UBE2D4: variants seen among roughly 807,000 people sequenced by gnomAD.
UBE2D4 encodes the protein ubiquitin conjugating enzyme E2 D4, also known as ubiquitin-conjugating enzyme E2 D4.
In UBE2D4, 17 loss-of-function variants were observed where a neutral mutation model predicts 23.0. The observed-to-expected ratio is 0.74, with a 90% CI of 0.51 to 1.11. UBE2D4 has a LOEUF of 1.11. Among genes scored for constraint, UBE2D4 ranks in the 50% least tolerant of loss-of-function variants. UBE2D4 has a pLI of 0.00. For missense variants in UBE2D4, 139 were observed against 181.8 expected (o/e 0.76, Z 1.35); for synonymous variants, 61 against 69.4 (o/e 0.88, Z 0.60).
At chr7:43,937,368 C>T (rs1286911505) in intron 1 of UBE2D4, among the ~76,000 whole-genome samples, 1 of 152,216 alleles carries the variant, frequency 6.6e-6, no homozygotes. Context: ...ACAGAGATTT[C>T]TGTAGCTCTT....
intron 1 of UBE2D4, among the ~76,000 whole-genome samples, chr7:43,932,754 C>A (rs976095824): frequency 2.0e-5 from 3 of 151,166 alleles, no homozygotes; most frequent in African/African-American, 7.3e-5. Context: ...GATGGCGCCA[C>A]GGCACTCCAA....
chr7:43,931,446 AAAAC>A lies in UBE2D4; in HGVS notation c.24+4906_24+4909del, dbSNP rs755430219. Among the ~76,000 whole-genome samples the A allele has an allele frequency of 7.9e-5, 12 of 152,314 alleles. No individual in the cohort carries two copies. The East Asian group carries it at 1.2e-3, about 15-fold the overall frequency. On this transcript the variant is annotated intron_variant, in intron 1 of 6. Transcript: ENST00000222402. Reference sequence around the variant, plus strand: ...GTGACAGAGTAAGACCGTATCTTAAAAAACAAACAAACAAACAAAACAGAAAACC... The same window carrying A: ...GTGACAGAGTAAGACCGTATCTTAAAAAACAAACAAACAAAACAGAAAACC...
chr7:43,942,403 AAAT>A, intron 2 of UBE2D4: 2 of 311,562 alleles, frequency 6.4e-6, no homozygotes. Context: ...ATGGGCATTC[AAAT>A]AAGTCAGTCA....
rs112752851 is a variant in UBE2D4 at position 43,930,826 on chromosome 7, A to G, written c.24+4270A>G. Among the ~76,000 whole-genome samples, 941 of 152,064 alleles carry G rather than the reference A, an allele frequency of 6.2e-3. 13 individuals carry two copies. The highest frequency in any genetic ancestry group is 0.021 in the African/African-American group (859 of 41,478). ...TTCTCTTTGATACGTGTATTAGTCCATTCTTGCATTGCTGTTAGGAAATAC... is the reference window on the plus strand; with the variant it reads ...TTCTCTTTGATACGTGTATTAGTCCGTTCTTGCATTGCTGTTAGGAAATAC... On this transcript the variant is annotated intron_variant, in intron 1 of 6. Coordinates refer to ENST00000222402, the MANE Select transcript of UBE2D4 (RefSeq NM_015983.4).
At chr7:43,948,508 C>G in intron 4 of UBE2D4, 124 bp from the exon 5 acceptor site, 1 of 656,386 alleles carries the variant, frequency 1.5e-6, no homozygotes, top group African/African-American at 1.8e-5. Context: ...GCTTAGCCTG[C>G]ACTGTGGGGC....
At chr7:43,927,335 G>A (rs1177839652) in intron 1 of UBE2D4, among the ~76,000 whole-genome samples, 6 of 134,020 alleles carry the variant, frequency 4.5e-5, no homozygotes, top group South Asian at 4.6e-4. Flanking sequence ...TTGCTCTGTC[G>A]CCCAGGCTGG....
Position 43,952,685 on chromosome 7 carries a change from A to AT in UBE2D4, c.435dup (p.Ala146CysfsTer31). 6.2e-7 allele frequency: 1 copy of AT among 1,613,820 alleles called. No homozygotes were observed. The highest frequency in any genetic ancestry group is 1.7e-5 in the Admixed American group (1 of 60,024). ...CTAGCAAGAGAGTGGACACAAAAAT[A>AT]TGCTATGTAAGTGCCTTGGAGGTTT... On this transcript the variant is annotated frameshift_variant, in exon 7 of 7. Coordinates refer to ENST00000222402, the MANE Select transcript of UBE2D4 (RefSeq NM_015983.4). LOFTEE classifies it high-confidence loss of function.
At chr7:43,930,794 GT>G (rs879502827) in intron 1 of UBE2D4, among the ~76,000 whole-genome samples, 1 of 151,768 alleles carries the variant, frequency 6.6e-6, no homozygotes, top group East Asian at 1.9e-4. Context: ...TTTTTTAATG[GT>G]TTTTTTTCTC....
At chr7:43,934,575 T>G (rs10951746) in intron 1 of UBE2D4, among the ~76,000 whole-genome samples, 18,896 of 151,636 alleles carry the variant, frequency 0.12, 1,270 homozygotes, top group Admixed American at 0.19. Context: ...AAACAGAATC[T>G]CACTCTGTCA....
At chr7:43,937,955 A>G (rs943511174) in intron 1 of UBE2D4, among the ~76,000 whole-genome samples, 13 of 152,118 alleles carry the variant, frequency 8.5e-5, no homozygotes, top group African/African-American at 2.9e-4. Flanking sequence ...TAAAGTAGAG[A>G]GATTAGCACT....
At chr7:43,948,090 T>C (rs1436571500) in intron 4 of UBE2D4, among the ~76,000 whole-genome samples, 1 of 152,224 alleles carries the variant, frequency 6.6e-6, no homozygotes, top group Admixed American at 6.5e-5. Flanking sequence ...TTCTGGATAT[T>C]AGCCCTTTGT....
chr7:43,930,762 G>T lies in UBE2D4; in HGVS notation c.24+4206G>T, dbSNP rs1342412513. On this transcript the variant is annotated intron_variant, in intron 1 of 6. Coordinates refer to ENST00000222402, the MANE Select transcript of UBE2D4 (RefSeq NM_015983.4). The stretch of plus-strand genomic sequence containing the variant: ...AGCCACTGTTCTCAACCAGGACAGG[G>T]TTATATGTGGCAGCATTTCAATTTT... Among the ~76,000 whole-genome samples the T allele has an allele frequency of 3.3e-5, 5 of 152,076 alleles. No homozygotes were observed. In the East Asian group the frequency reaches 9.7e-4, roughly 29 times the overall value.
intron 2 of UBE2D4, among the ~76,000 whole-genome samples, chr7:43,940,035 A>G (rs2095967777): frequency 6.6e-6 from 1 of 152,234 alleles, no homozygotes; most frequent in African/African-American, 2.4e-5. Context: ...TTTAACTACA[A>G]TAAAAAGAAA....
At chr7:43,937,248 G>A (rs2095960578) in intron 1 of UBE2D4, among the ~76,000 whole-genome samples, 1 of 152,166 alleles carries the variant, frequency 6.6e-6, no homozygotes, top group Non-Finnish European at 1.5e-5. Flanking sequence ...CTGTCATAGG[G>A]CTAATTTATC....
chr7:43,938,333 T>G, intron 1 of UBE2D4, 98 bp from the exon 2 acceptor site: 4 of 1,208,216 alleles, frequency 3.3e-6, no homozygotes, highest in Admixed American at 3.4e-5. Context: ...CCTAGGAGCC[T>G]CCTCCCACCA....
In UBE2D4 at chr7:43,927,203, GT is replaced by G. The variant is rs540281073; in HGVS notation, c.24+655del. On this transcript the variant is annotated intron_variant, in intron 1 of 6. Coordinates refer to ENST00000222402, the MANE Select transcript of UBE2D4 (RefSeq NM_015983.4). Reference sequence around the variant, plus strand: ...TAACATTTTAGCATACCTACCTTCAGTTTTTTTTCTATATTTAAAACAATTA... The same window carrying G: ...TAACATTTTAGCATACCTACCTTCAGTTTTTTTCTATATTTAAAACAATTA... Among the ~76,000 whole-genome samples the G allele has an allele frequency of 3.8e-3, 571 of 150,472 alleles. 8 individuals carry two copies. The highest frequency in any genetic ancestry group is 0.013 in the African/African-American group (546 of 40,980).
rs902646713 is a variant in UBE2D4 at position 43,944,160 on chromosome 7, T to C, written c.198+1129T>C. ...GGAGAAAAGGCTGGGGTTCAAGTGA[T>C]TCTCCTGCTTCAGCCTCCTGAGTAG... On this transcript the variant is annotated intron_variant, in intron 4 of 6. Transcript: ENST00000222402. This position sits in a 1 kb window ranked among gnomAD's most constrained non-coding sequence, Gnocchi z 4.0. 6.6e-6 allele frequency: 1 copy of C among 152,282 alleles called. No homozygotes were observed. The highest frequency in any genetic ancestry group is 2.4e-5 in the African/African-American group (1 of 41,452). The allele number at this position is 152,282 out of a possible 1,614,324, so 9.4% of individuals were successfully genotyped here.
chr7:43,952,911 A>G lies in UBE2D4; in HGVS notation c.*216A>G, dbSNP rs998559468. 1.4e-5 allele frequency: 7 copies of G among 507,476 alleles called. No homozygotes were observed. The highest frequency in any genetic ancestry group is 1.4e-4 in the African/African-American group (7 of 51,456). 31.4% of individuals were successfully genotyped at this position (507,476 alleles called of 1,614,324 possible). A position where few individuals can be genotyped will look rare whatever the true frequency, so the allele number is the denominator to read the frequency against. Reference sequence around the variant, plus strand: ...CCTCTTTGATGCCAAATCAGCAACCATTGTTGTTATGATCTGCAGTCTTCC... The same window carrying G: ...CCTCTTTGATGCCAAATCAGCAACCGTTGTTGTTATGATCTGCAGTCTTCC... On this transcript the variant is annotated 3_prime_UTR_variant, in exon 7 of 7. Transcript: ENST00000222402.
Position 43,953,954 on chromosome 7 carries a change from G to A in UBE2D4, c.*1259G>A, listed in dbSNP as rs932042790. On this transcript the variant is annotated 3_prime_UTR_variant, in exon 7 of 7. Coordinates refer to ENST00000222402, the MANE Select transcript of UBE2D4 (RefSeq NM_015983.4). Reference sequence around the variant, plus strand: ...AAACTGTGACCAAGTGGCCAGATGGGGCTTTTGCCGGCTGATTGAAAGGAA... The same window carrying A: ...AAACTGTGACCAAGTGGCCAGATGGAGCTTTTGCCGGCTGATTGAAAGGAA... 3 of 152,200 alleles carry A rather than the reference G, an allele frequency of 2.0e-5. No individual in the cohort carries two copies. The highest frequency in any genetic ancestry group is 2.0e-4 in the Admixed American group (3 of 15,276). The allele number at this position is 152,200 out of a possible 1,614,324, so 9.4% of individuals were successfully genotyped here.
Sources: allele counts gnomAD v4.1 joint callset (sites outside exome capture counted in the v4.1 genomes callset), GRCh38; gene constraint gnomAD v4.1.1; non-coding constraint Gnocchi (gnomAD v3.1); transcripts MANE v1.5; gene names NCBI Gene and HGNC (gene_info 2026-07-23, HGNC 2026-07-21).